Variants in PIGB observed in about 807,000 individuals in gnomAD.
PIGB encodes phosphatidylinositol glycan anchor biosynthesis class B, also known as GPI alpha-1,2-mannosyltransferase 3.
In PIGB, 58 loss-of-function variants were observed where a neutral mutation model predicts 68.4. The ratio of observed to expected loss-of-function variants is 0.85; its 90% CI spans 0.69 to 1.06. The LOEUF is 1.06. Among genes scored for constraint, PIGB ranks in the 50% least tolerant of loss-of-function variants. The pLI is 0.00. For missense variants in PIGB, 634 were observed against 655.8 expected (o/e 0.97, Z 0.36); for synonymous variants, 219 against 220.5 (o/e 0.99, Z 0.06).
In PIGB at chr15:55,319,247, AG is replaced by A; in HGVS notation, c.-1del. On this transcript the variant is annotated 5_prime_UTR_variant, in exon 1 of 12. Transcript: ENST00000164305. ...CTTCCGCCTTAGGAAGGTGGCGGCC[AG>A]GGATGAGGAGGCCCCTAAGCAAGTG... The A allele has an allele frequency of 6.2e-7, 1 of 1,603,464 alleles. No homozygotes were observed. Among genetic ancestry groups the A allele is most frequent in the Middle Eastern group, 1.7e-4 (1 of 6,034 alleles).
chr15:55,324,321 T>G (rs2055231265), intron 3 of PIGB, among the ~76,000 whole-genome samples: 1 of 152,172 alleles, frequency 6.6e-6, no homozygotes, highest in Non-Finnish European at 1.5e-5. Flanking sequence ...CATGTTCTTC[T>G]CTTTACCTCA....
chr15:55,333,832 T>C, intron 5 of PIGB, 35 bp from the exon 6 acceptor site: 1 of 1,477,736 alleles, frequency 6.8e-7, no homozygotes, highest in Non-Finnish European at 9.1e-7. Context: ...CAAGTTAATT[T>C]CCCACTTGTC....
At chr15:55,338,365 G>C (rs899989440) in intron 6 of PIGB, among the ~76,000 whole-genome samples, 3 of 152,156 alleles carry the variant, frequency 2.0e-5, no homozygotes, top group Admixed American at 6.5e-5. Flanking sequence ...GACTATGGTG[G>C]CCAGGCACAG....
In PIGB at chr15:55,320,256, G is replaced by A; in HGVS notation, c.164-19G>A. On this transcript the variant is annotated intron_variant, in intron 1 of 11. Transcript: ENST00000164305. ...CCTGACTTTTGTGCCACTATTACCTGTTTTGTTCTGTTTTTCAGATCTTCT... is the reference window on the plus strand; with the variant it reads ...CCTGACTTTTGTGCCACTATTACCTATTTTGTTCTGTTTTTCAGATCTTCT... 2.5e-6 allele frequency: 4 copies of A among 1,608,468 alleles called. No homozygotes were observed. Among genetic ancestry groups the A allele is most frequent in the Non-Finnish European group, 3.4e-6 (4 of 1,177,140 alleles).
chr15:55,340,477 T>G lies in PIGB; in HGVS notation c.847-135T>G, dbSNP rs927339565. 1.1e-5 allele frequency: 5 copies of G among 446,496 alleles called. No individual in the cohort carries two copies. The East Asian group carries it at 2.0e-4, about 18-fold the overall frequency. 27.7% of individuals were successfully genotyped at this position (446,496 alleles called of 1,614,324 possible). A position where few individuals can be genotyped will look rare whatever the true frequency, so the allele number is the denominator to read the frequency against. On this transcript the variant is annotated intron_variant, in intron 7 of 11. Coordinates refer to ENST00000164305, the MANE Select transcript of PIGB (RefSeq NM_004855.5). The stretch of plus-strand genomic sequence containing the variant: ...TCTTAAAAAAAAAAAAAAAAAAAAA[T>G]TATTAATGTAAACTATTGCCTGGTT...
rs913831553 is a variant in PIGB, at chr15:55,333,728, T to C, written c.654-139T>C. ...GCCTGGGTGACAGAGTGAGACTCTG[T>C]CTCAAACAAAACAAAACAAAACAAA... On this transcript the variant is annotated intron_variant, in intron 5 of 11. Coordinates refer to ENST00000164305, the MANE Select transcript of PIGB (RefSeq NM_004855.5). 3 of 579,632 alleles carry C rather than the reference T, an allele frequency of 5.2e-6. No homozygotes were observed. In the African/African-American group the frequency reaches 5.9e-5, roughly 11 times the overall value. 35.9% of individuals were successfully genotyped at this position (579,632 alleles called of 1,614,324 possible).
chr15:55,341,663 T>A, intron 8 of PIGB, 75 bp from the exon 9 acceptor site: 1 of 486,924 alleles, frequency 2.1e-6, no homozygotes, highest in Non-Finnish European at 3.4e-6. Flanking sequence ...TATTTTATAT[T>A]AAATATATTA....
chr15:55,324,251 AG>A (rs2055229907), intron 3 of PIGB, among the ~76,000 whole-genome samples: 1 of 152,190 alleles, frequency 6.6e-6, no homozygotes, highest in Non-Finnish European at 1.5e-5. Context: ...AGGAGTGTAA[AG>A]AACAGAAGTA....
chr15:55,336,268 G>A (rs78722814), intron 6 of PIGB, among the ~76,000 whole-genome samples: 2 of 152,076 alleles, frequency 1.3e-5, no homozygotes, highest in East Asian at 1.9e-4. Flanking sequence ...GCACGCCTGT[G>A]GTCCTAGCTA....
intron 9 of PIGB, 107 bp downstream of exon 9, chr15:55,341,909 CTTAA>C (rs2055680078): frequency 2.4e-6 from 1 of 418,796 alleles, no homozygotes; most frequent in Admixed American, 4.2e-5. Context: ...TAAGGAATTA[CTTAA>C]TTACAGATTA....
chr15:55,323,991 G>A (rs1445377337), intron 3 of PIGB, among the ~76,000 whole-genome samples: 1 of 152,172 alleles, frequency 6.6e-6, no homozygotes, highest in Non-Finnish European at 1.5e-5. Flanking sequence ...GGGTTCAAGT[G>A]ATTCTCCTGC....
At chr15:55,321,192 A>G in intron 2 of PIGB, 81 bp from the exon 3 acceptor site, 1 of 1,294,280 alleles carries the variant, frequency 7.7e-7, no homozygotes, top group Non-Finnish European at 1.0e-6. Flanking sequence ...TGGGCAAGAG[A>G]GTGAGACCCC....
chr15:55,347,994 T>TC (rs1212082261), intron 9 of PIGB, among the ~76,000 whole-genome samples: 1 of 139,732 alleles, frequency 7.2e-6, no homozygotes, highest in Non-Finnish European at 1.5e-5. Flanking sequence ...TTTTTTTTTT[T>TC]TTTTTTTTTT....
Position 55,323,814 on chromosome 15 carries a change from G to A in PIGB, c.417+2424G>A, listed in dbSNP as rs76428770. On this transcript the variant is annotated intron_variant, in intron 3 of 11. Coordinates refer to ENST00000164305, the MANE Select transcript of PIGB (RefSeq NM_004855.5). ...GCTCATGTTATATGTCTTTTGGCCTGTGATGGCATGGAACATGTAAAAAGA... is the reference window on the plus strand; with the variant it reads ...GCTCATGTTATATGTCTTTTGGCCTATGATGGCATGGAACATGTAAAAAGA... 1.0e-3 allele frequency among the ~76,000 whole-genome samples: 152 copies of A among 152,250 alleles called. 2 individuals are homozygous for A. The East Asian group carries it at 0.029, about 29-fold the overall frequency.
chr15:55,339,476 C>A (rs2055613757), intron 7 of PIGB, among the ~76,000 whole-genome samples, 158 bp downstream of exon 7: 1 of 152,200 alleles, frequency 6.6e-6, no homozygotes, highest in African/African-American at 2.4e-5. Flanking sequence ...GTGCTTTCTA[C>A]ATAAAAGAAT....
intron 9 of PIGB, among the ~76,000 whole-genome samples, chr15:55,348,113 C>T (rs549771992): frequency 1.3e-5 from 2 of 151,762 alleles, no homozygotes; most frequent in Admixed American, 1.3e-4. Flanking sequence ...CTCAGCCTGC[C>T]TCAGCTGGGA....
intron 9 of PIGB, 50 bp from the exon 10 acceptor site, chr15:55,350,649 A>G (rs2055900861): frequency 1.7e-6 from 2 of 1,147,916 alleles, no homozygotes; most frequent in African/African-American, 1.5e-5. Flanking sequence ...TGCAGTTAAC[A>G]TAACAAAAGA....
At chr15:55,354,628 G>GT (rs964713201) in intron 10 of PIGB, 170 bp from the exon 11 acceptor site, 65 of 593,242 alleles carry the variant, frequency 1.1e-4, no homozygotes, top group East Asian at 1.8e-4. Context: ...TAAGAATCAT[G>GT]TTTTTTTTAT....
chr15:55,347,682 T>A (rs1211922472), intron 9 of PIGB, among the ~76,000 whole-genome samples: 2 of 152,222 alleles, frequency 1.3e-5, no homozygotes, highest in Admixed American at 6.5e-5. Context: ...ATTGTTCAGC[T>A]GTTCCTTCTC....
Sources: allele counts gnomAD v4.1 joint callset (sites outside exome capture counted in the v4.1 genomes callset), GRCh38; gene constraint gnomAD v4.1.1; transcripts MANE v1.5; gene names NCBI Gene and HGNC (gene_info 2026-07-23, HGNC 2026-07-21).